Variants in DTNB observed in about 807,000 individuals in gnomAD.
DTNB encodes dystrobrevin beta, also known as DTN-B.
In DTNB, 63 loss-of-function variants were observed where a neutral mutation model predicts 90.7. The observed-to-expected ratio is 0.69, with a 90% CI of 0.57 to 0.86. The LOEUF (loss-of-function observed/expected upper bound fraction) is 0.86. DTNB is among the 40% of genes least tolerant of loss of function. DTNB has a pLI of 0.00. For missense variants in DTNB, 744 were observed against 807.1 expected, an observed-to-expected ratio of 0.92 and a Z score of 0.95; for synonymous variants, 277 against 286.7, an observed-to-expected ratio of 0.97 and a Z score of 0.34.
At chr2:25,524,832 TAACA>T (rs1001457948) in intron 9 of DTNB, among the ~76,000 whole-genome samples, 1 of 152,020 alleles carries the variant, frequency 6.6e-6, no homozygotes, top group Non-Finnish European at 1.5e-5. Flanking sequence ...TGGGTGTGAG[TAACA>T]AACAAACATT....
At chr2:25,419,725 C>A (rs138080581) in intron 15 of DTNB, among the ~76,000 whole-genome samples, 190 bp from the exon 16 acceptor site, 1 of 152,096 alleles carries the variant, frequency 6.6e-6, no homozygotes, top group African/African-American at 2.4e-5. Context: ...AAGCAGCAGG[C>A]CTCGGCCCGG....
At chr2:25,459,926 T>C (rs550529542) in intron 10 of DTNB, among the ~76,000 whole-genome samples, 31 of 152,186 alleles carry the variant, frequency 2.0e-4, no homozygotes, top group Non-Finnish European at 1.5e-4. Context: ...TTGGGCAACA[T>C]AGCAAGACCC....
chr2:25,660,695 T>C (rs890248672), intron 1 of DTNB, among the ~76,000 whole-genome samples: 1 of 152,198 alleles, frequency 6.6e-6, no homozygotes, highest in Non-Finnish European at 1.5e-5. Flanking sequence ...GTTCATTTTT[T>C]TTAACGCTGT....
At chr2:25,599,010 G>A (rs2065245049) in intron 5 of DTNB, 2 of 151,980 alleles carry the variant, frequency 1.3e-5, no homozygotes, top group African/African-American at 4.8e-5. Flanking sequence ...CAATTAGACT[G>A]TTAATGACCG....
intron 5 of DTNB, among the ~76,000 whole-genome samples, chr2:25,597,627 C>T (rs1559174137): frequency 6.6e-6 from 1 of 152,124 alleles, no homozygotes. Flanking sequence ...CTCATGACAG[C>T]TGCTAGTTTA....
rs761418517 is a variant in DTNB, at chr2:25,388,177, G to A, written c.1735+25C>T. On this transcript the variant is annotated intron_variant, in intron 17 of 20. Coordinates refer to ENST00000406818, the MANE Select transcript of DTNB (RefSeq NM_021907.5). ...TGTTTGCACATCCCTTCAGCTCCCC[G>A]CTGAACTCTGCTCCAGAAACTCACC... The A allele has an allele frequency of 7.1e-6, 11 of 1,550,946 alleles. No individual in the cohort carries two copies. The Admixed American group carries it at 9.8e-5, about 14-fold the overall frequency.
intron 1 of DTNB, among the ~76,000 whole-genome samples, chr2:25,669,990 C>A (rs375154995): frequency 2.6e-5 from 4 of 152,022 alleles, no homozygotes; most frequent in African/African-American, 9.7e-5. Context: ...TGGTTATAGC[C>A]CCATCAGTTA....
chr2:25,382,512 T>C lies in DTNB; in HGVS notation c.1879+1324A>G, dbSNP rs2038100004. On this transcript the variant is annotated intron_variant, in intron 19 of 20. Transcript: ENST00000406818. ...AAGTTTGGAGTCAGAAAGACCCAGT[T>C]CTCTGCCTTTTTTTTTTTTTTTTTT... Among the ~76,000 whole-genome samples the C allele has an allele frequency of 1.4e-5, 2 of 147,924 alleles. 1 individual carries two copies. Among genetic ancestry groups the C allele is most frequent in the South Asian group, 4.3e-4 (2 of 4,632 alleles).
rs551569266 is a variant in DTNB at position 25,534,706 on chromosome 2, C to T, written c.877-3109G>A. 2.2e-3 allele frequency among the ~76,000 whole-genome samples: 310 copies of T among 140,022 alleles called. 2 individuals are homozygous for T. Among genetic ancestry groups the T allele is most frequent in the African/African-American group, 8.0e-3 (293 of 36,764 alleles). 91.9% of individuals were successfully genotyped at this position (140,022 alleles called of 152,430 possible). On this transcript the variant is annotated intron_variant, in intron 8 of 20. Coordinates refer to ENST00000406818, the MANE Select transcript of DTNB (RefSeq NM_021907.5). The stretch of plus-strand genomic sequence containing the variant: ...ACTCCTCACCTCCCAGACAGGGTGG[C>T]GGGTGGGCAGAGGCGTTCCTCACAT...
intron 12 of DTNB, among the ~76,000 whole-genome samples, chr2:25,435,353 G>T (rs973877866): frequency 6.6e-6 from 1 of 152,146 alleles, no homozygotes; most frequent in African/African-American, 2.4e-5. Flanking sequence ...TCATGAGGTT[G>T]TGAAGCCACC....
At chr2:25,660,428 G>A (rs1361068408) in intron 1 of DTNB, among the ~76,000 whole-genome samples, 1 of 152,144 alleles carries the variant, frequency 6.6e-6, no homozygotes, top group African/African-American at 2.4e-5. Flanking sequence ...TTTGTGGAGG[G>A]TTGACGGGGG....
intron 10 of DTNB, among the ~76,000 whole-genome samples, chr2:25,480,599 A>G (rs2064745945): frequency 6.6e-6 from 1 of 152,168 alleles, no homozygotes; most frequent in Non-Finnish European, 1.5e-5. Context: ...CCAGAAAGCC[A>G]TGCTCCTTCT....
rs780904829 is a variant in DTNB, at chr2:25,537,196, C to CT, written c.877-5600dup. Among the ~76,000 whole-genome samples, 269 of 147,220 alleles carry CT rather than the reference C, an allele frequency of 1.8e-3. 1 individual carries two copies. Among genetic ancestry groups the CT allele is most frequent in the East Asian group, 5.7e-3 (29 of 5,088 alleles). On this transcript the variant is annotated intron_variant, in intron 8 of 20. Transcript: ENST00000406818. The stretch of plus-strand genomic sequence containing the variant: ...ACCTACCTAGTAAAACCATATAAAT[C>CT]TTTTTTTTTTTGAGGATTACAAGTA...
chr2:25,575,586 G>C (rs915045078), intron 8 of DTNB, among the ~76,000 whole-genome samples: 5 of 152,126 alleles, frequency 3.3e-5, no homozygotes, highest in African/African-American at 1.2e-4. Context: ...GTAGATGTGG[G>C]TTGAAGTTTG....
Position 25,432,923 on chromosome 2 carries a change from G to C in DTNB, c.1420C>G (p.Gln474Glu). ...AGCTCTGCCAGCAGCGTGGGGTTCTGCTGTGCCTTCTCAGGGGTGGGCTGG... is the reference window on the plus strand; with the variant it reads ...AGCTCTGCCAGCAGCGTGGGGTTCTCCTGTGCCTTCTCAGGGGTGGGCTGG... ...ASQPTPEKAQ[Q>E]NPTLLAELRL... Residue 474 changes from glutamine (Q) to glutamate (E), a missense_variant, in exon 14 of 21, where the codon CAG (glutamine) becomes GAG (glutamate). Coordinates refer to ENST00000406818, the MANE Select transcript of DTNB (RefSeq NM_021907.5). 1 of 1,610,458 alleles carries C rather than the reference G, an allele frequency of 6.2e-7. No homozygotes were observed. Among genetic ancestry groups the C allele is most frequent in the Non-Finnish European group, 8.5e-7 (1 of 1,179,084 alleles).
At chr2:25,551,269 G>A (rs751827976) in intron 8 of DTNB, among the ~76,000 whole-genome samples, 1 of 152,064 alleles carries the variant, frequency 6.6e-6, no homozygotes, top group Non-Finnish European at 1.5e-5. Flanking sequence ...TCTATCCTTG[G>A]TCTTCTAAGG....
At chr2:25,579,564 G>A (rs147531291) in intron 7 of DTNB, among the ~76,000 whole-genome samples, 115 of 152,186 alleles carry the variant, frequency 7.6e-4, no homozygotes, top group African/African-American at 2.6e-3. Flanking sequence ...ACCTAAAGGA[G>A]GAGATAAACT....
At chr2:25,671,663 C>G (rs11681175) in intron 1 of DTNB, among the ~76,000 whole-genome samples, 41,905 of 152,194 alleles carry the variant, frequency 0.28, 6,607 homozygotes, top group Non-Finnish European at 0.37. Flanking sequence ...AAATTTGTCT[C>G]TCGGGCATAG....
intron 16 of DTNB, among the ~76,000 whole-genome samples, chr2:25,406,299 G>C (rs1381180124): frequency 3.3e-5 from 5 of 152,088 alleles, no homozygotes; most frequent in Non-Finnish European, 7.4e-5. Flanking sequence ...CTGGTGCTTA[G>C]TGGGTAAAGT....
Sources: allele counts gnomAD v4.1 joint callset (sites outside exome capture counted in the v4.1 genomes callset), GRCh38; gene constraint gnomAD v4.1.1; transcripts MANE v1.5; gene names NCBI Gene and HGNC (gene_info 2026-07-23, HGNC 2026-07-21).